The following PHLPP1 variants were observed in gnomAD, a reference collection of about 807,000 sequenced individuals.
The protein encoded by PHLPP1 is PH domain leucine-rich repeat-containing protein phosphatase 1.
In PHLPP1, 42 loss-of-function variants were observed where a neutral mutation model predicts 117.2. That is an observed-to-expected ratio of 0.36 (90% confidence interval 0.28 to 0.46). PHLPP1 has a LOEUF of 0.46. Among genes scored for constraint, PHLPP1 ranks in the 20% least tolerant of loss-of-function variants. The pLI is 1.00. For missense variants in PHLPP1, 2,084 were observed against 2,241.9 expected (o/e 0.93, Z 1.42); for synonymous variants, 1,042 against 970.7 (o/e 1.07, Z -1.37).
In PHLPP1 at chr18:62,807,389, T is replaced by C. The variant is rs376537531; in HGVS notation, c.1577-22646T>C. ...AAATTAATTAAAATACAATCGTATG[T>C]ATTGAGTATTTGCTCTAAGGCTTAT... On this transcript the variant is annotated intron_variant, in intron 1 of 16. Coordinates refer to ENST00000262719, the MANE Select transcript of PHLPP1 (RefSeq NM_194449.4). Among the ~76,000 whole-genome samples, 10 of 152,332 alleles carry C rather than the reference T, an allele frequency of 6.6e-5. No individual in the cohort carries two copies. In the East Asian group the frequency reaches 1.9e-3, roughly 29 times the overall value.
chr18:62,923,627 G>A (rs1370160708), intron 10 of PHLPP1, among the ~76,000 whole-genome samples: 5 of 151,994 alleles, frequency 3.3e-5, no homozygotes, highest in Non-Finnish European at 7.4e-5. Flanking sequence ...GCCTTTAAAG[G>A]TTAATACTTA....
chr18:62,958,719 C>T lies in PHLPP1; in HGVS notation c.3415C>T (p.Pro1139Ser). 1.2e-6 allele frequency: 2 copies of T among 1,613,976 alleles called. No individual in the cohort carries two copies. Among genetic ancestry groups the T allele is most frequent in the Non-Finnish European group, 1.7e-6 (2 of 1,179,872 alleles). ...GCAGGAGCTAGACCTGACTGGAAACCCGCGCCTTGTCCTTGATCACAAAAC... is the reference window on the plus strand; with the variant it reads ...GCAGGAGCTAGACCTGACTGGAAACTCGCGCCTTGTCCTTGATCACAAAAC... The part of the protein sequence containing the change: ...KLQELDLTGN[P>S]RLVLDHKTLE... Residue 1139 changes from proline to serine, a missense_variant, in exon 13 of 17, where the codon CCG (proline) becomes TCG (serine). By Grantham distance (74) the Pro-to-Ser change is moderately conservative (BLOSUM62 -1). Coordinates refer to ENST00000262719, the MANE Select transcript of PHLPP1 (RefSeq NM_194449.4).
Position 62,979,535 on chromosome 18 carries a change from A to G in PHLPP1, c.*104A>G, listed in dbSNP as rs986180175. The G allele has an allele frequency of 2.3e-6, 3 of 1,285,488 alleles. No individual in the cohort carries two copies. The East Asian group carries it at 7.6e-5, about 33-fold the overall frequency. The allele number at this position is 1,285,488 out of a possible 1,614,324, so 79.6% of individuals were successfully genotyped here. A position where few individuals can be genotyped will look rare whatever the true frequency, so the allele number is the denominator to read the frequency against. ...GGGTTTTACTCCACATCCTTCCCCC[A>G]GACACTGTTCCCAACCTGTCATCGC... is the stretch of plus-strand genomic sequence containing the variant. On this transcript the variant is annotated 3_prime_UTR_variant, in exon 17 of 17. Transcript: ENST00000262719.
chr18:62,747,912 A>C (rs1384099791), intron 1 of PHLPP1, among the ~76,000 whole-genome samples: 1 of 152,152 alleles, frequency 6.6e-6, no homozygotes, highest in Non-Finnish European at 1.5e-5. Flanking sequence ...TTACTATTTC[A>C]GATTTTATCG....
chr18:62,750,936 A>C (rs1270463337), intron 1 of PHLPP1, among the ~76,000 whole-genome samples: 1 of 152,182 alleles, frequency 6.6e-6, no homozygotes, highest in African/African-American at 2.4e-5. Context: ...TGTGGAGTTC[A>C]TTTGTCTACA....
At chr18:62,950,669 C>T (rs913875625) in intron 12 of PHLPP1, among the ~76,000 whole-genome samples, 7 of 152,122 alleles carry the variant, frequency 4.6e-5, no homozygotes, top group African/African-American at 1.2e-4. Context: ...ACATAATAGA[C>T]GTAAAAACGT....
intron 2 of PHLPP1, among the ~76,000 whole-genome samples, chr18:62,831,315 T>C (rs1441716759): frequency 6.6e-6 from 1 of 151,460 alleles, no homozygotes; most frequent in East Asian, 1.9e-4. Flanking sequence ...TGGGGGCACA[T>C]TGAGCAAATA....
At chr18:62,970,204 C>T (rs1040306883) in intron 14 of PHLPP1, among the ~76,000 whole-genome samples, 1 of 152,176 alleles carries the variant, frequency 6.6e-6, no homozygotes, top group Non-Finnish European at 1.5e-5. Flanking sequence ...TGTCATTTCA[C>T]ATATAAGAAC....
At chr18:62,810,061 A>G (rs1914067538) in intron 1 of PHLPP1, among the ~76,000 whole-genome samples, 1 of 152,248 alleles carries the variant, frequency 6.6e-6, no homozygotes, top group Non-Finnish European at 1.5e-5. Flanking sequence ...CTCTAGTTAA[A>G]TAAACAGCAA....
intron 1 of PHLPP1, among the ~76,000 whole-genome samples, chr18:62,736,336 G>A (rs1179165969): frequency 6.6e-6 from 1 of 152,188 alleles, no homozygotes; most frequent in African/African-American, 2.4e-5. Flanking sequence ...GTGGGAGAGA[G>A]TAGAAGTTGA....
intron 1 of PHLPP1, among the ~76,000 whole-genome samples, chr18:62,732,320 G>C (rs997765119): frequency 6.6e-6 from 1 of 152,180 alleles, no homozygotes; most frequent in Admixed American, 6.5e-5. Flanking sequence ...AAATCCTAGG[G>C]CCCCTGAGAA....
At chr18:62,943,881 TACTTCATAG>T (rs1910201680) in intron 11 of PHLPP1, among the ~76,000 whole-genome samples, 1 of 152,220 alleles carries the variant, frequency 6.6e-6, no homozygotes, top group South Asian at 2.1e-4. Flanking sequence ...ATAGATGGAT[TACTTCATAG>T]TCTGTGTACA....
At chr18:62,780,078 A>G (rs1913075143) in intron 1 of PHLPP1, among the ~76,000 whole-genome samples, 1 of 151,832 alleles carries the variant, frequency 6.6e-6, no homozygotes, top group Non-Finnish European at 1.5e-5. Flanking sequence ...GGCAAGAACC[A>G]GTCATTTTGC....
At chr18:62,786,596 T>C (rs984221539) in intron 1 of PHLPP1, among the ~76,000 whole-genome samples, 5 of 152,238 alleles carry the variant, frequency 3.3e-5, no homozygotes, top group Non-Finnish European at 5.9e-5. Context: ...TCTTGATCAA[T>C]ATTAAGGAGA....
chr18:62,729,099 G>A (rs1821117549), intron 1 of PHLPP1, among the ~76,000 whole-genome samples: 1 of 152,166 alleles, frequency 6.6e-6, no homozygotes, highest in Non-Finnish European at 1.5e-5. Flanking sequence ...TGGGAATGGG[G>A]GAGGGAAAAG....
chr18:62,726,874 A>G (rs181398531), intron 1 of PHLPP1, among the ~76,000 whole-genome samples: 277 of 150,978 alleles, frequency 1.8e-3, no homozygotes, highest in African/African-American at 6.6e-3. Context: ...GTGACCCACC[A>G]TGCCCGGCCA....
chr18:62,763,293 T>C (rs953482093), intron 1 of PHLPP1, among the ~76,000 whole-genome samples: 2 of 152,220 alleles, frequency 1.3e-5, no homozygotes, highest in Non-Finnish European at 2.9e-5. Flanking sequence ...GAAATAAGTA[T>C]ATAGTGTGAA....
At chr18:62,963,509 C>T (rs1207440724) in intron 14 of PHLPP1, 37 bp downstream of exon 14, 1 of 1,270,744 alleles carries the variant, frequency 7.9e-7, no homozygotes, top group Non-Finnish European at 1.1e-6. Flanking sequence ...GAAGTGCCTC[C>T]TGCCTGTCTC....
intron 4 of PHLPP1, among the ~76,000 whole-genome samples, chr18:62,893,798 A>G (rs1916486455): frequency 6.6e-6 from 1 of 152,180 alleles, no homozygotes; most frequent in Non-Finnish European, 1.5e-5. Context: ...CAGAGAAGTA[A>G]AAAATTAAAG....
Sources: allele counts gnomAD v4.1 joint callset (sites outside exome capture counted in the v4.1 genomes callset), GRCh38; gene constraint gnomAD v4.1.1; transcripts MANE v1.5; gene names NCBI Gene and HGNC (gene_info 2026-07-23, HGNC 2026-07-21).